The following MEIKIN variants were observed in gnomAD, a reference collection of about 807,000 sequenced individuals.
The protein encoded by MEIKIN is meiotic kinetochore factor.
At chr5:131,882,991 C>G (rs1015017566) in intron 8 of MEIKIN, among the ~76,000 whole-genome samples, 3 of 152,202 alleles carry the variant, frequency 2.0e-5, no homozygotes, top group African/African-American at 7.2e-5. Flanking sequence ...TTTACCCTAC[C>G]TTATATTCCT....
chr5:131,838,627 A>T (rs1283507605), intron 11 of MEIKIN, among the ~76,000 whole-genome samples: 1 of 152,090 alleles, frequency 6.6e-6, no homozygotes, highest in Non-Finnish European at 1.5e-5. Context: ...CAGAATTTCT[A>T]GTTTGTGTAC....
intron 8 of MEIKIN, among the ~76,000 whole-genome samples, chr5:131,897,573 G>T (rs1358415990): frequency 6.6e-6 from 1 of 152,154 alleles, no homozygotes. Context: ...GCCTCTTGGA[G>T]GCTTGTTTGT....
rs1415409499 is a variant in MEIKIN, at chr5:131,807,221, G to A, written c.*15C>T. On this transcript the variant is annotated 3_prime_UTR_variant, in exon 13 of 13. Transcript: ENST00000442687. ...CTGTCTTCAAAGTGGTGAAAATTCA[G>A]CCACAGCTGTTTTTTCATGCCATTT... 7.5e-6 allele frequency: 3 copies of A among 398,200 alleles called. No individual in the cohort carries two copies. Among genetic ancestry groups the A allele is most frequent in the Non-Finnish European group, 1.3e-5 (3 of 226,014 alleles). The allele number at this position is 398,200 out of a possible 1,614,324, so 24.7% of individuals were successfully genotyped here.
At chr5:131,942,987 G>C (rs1233748432) in intron 3 of MEIKIN, among the ~76,000 whole-genome samples, 1 of 151,998 alleles carries the variant, frequency 6.6e-6, no homozygotes, top group African/African-American at 2.4e-5. Context: ...ATATTTTTCT[G>C]GTTCCCTAGT....
intron 8 of MEIKIN, among the ~76,000 whole-genome samples, chr5:131,901,728 C>G (rs1483994750): frequency 6.6e-6 from 1 of 152,118 alleles, no homozygotes; most frequent in Non-Finnish European, 1.5e-5. Context: ...AGGTCCTGAG[C>G]TGAGCCTTGG....
Position 131,891,872 on chromosome 5 carries a change from T to C in MEIKIN, c.704-12824A>G, listed in dbSNP as rs142728162. On this transcript the variant is annotated intron_variant, in intron 8 of 12. Coordinates refer to ENST00000442687, the MANE Select transcript of MEIKIN (RefSeq NM_001303622.2). ...ATGGTACCGGTTGTTCTTTTCCGTG[T>C]TCAGTGCTTCCCTCAGAAGCTCTTT... is the stretch of plus-strand genomic sequence containing the variant. Among the ~76,000 whole-genome samples the C allele has an allele frequency of 5.4e-3, 826 of 152,346 alleles. 12 individuals are homozygous for C. Among genetic ancestry groups the C allele is most frequent in the African/African-American group, 0.019 (800 of 41,574 alleles).
In MEIKIN at chr5:131,863,557, C is replaced by CTTTTTTTTTTTTTTT. The variant is rs59435888; in HGVS notation, c.775-8738_775-8724dup. Among the ~76,000 whole-genome samples the CTTTTTTTTTTTTTTT allele has an allele frequency of 8.6e-4, 59 of 68,422 alleles. 3 individuals are homozygous for CTTTTTTTTTTTTTTT. The highest frequency in any genetic ancestry group is 2.9e-3 in the African/African-American group (37 of 12,850). 44.9% of individuals were successfully genotyped at this position (68,422 alleles called of 152,430 possible). On this transcript the variant is annotated intron_variant, in intron 9 of 12. Transcript: ENST00000442687. The stretch of plus-strand genomic sequence containing the variant: ...TCATTATATAATGACCTTCTTTGTC[C>CTTTTTTTTTTTTTTT]TTTTTTTTTTTTTTTTTTTTTTTTT...
intron 9 of MEIKIN, among the ~76,000 whole-genome samples, chr5:131,866,305 G>GT (rs1031877005): frequency 6.6e-6 from 1 of 152,226 alleles, no homozygotes; most frequent in African/African-American, 2.4e-5. Flanking sequence ...AACCAATGGT[G>GT]TACCGGGCTG....
At chr5:131,943,545 G>A (rs1365230001) in intron 3 of MEIKIN, among the ~76,000 whole-genome samples, 2 of 152,090 alleles carry the variant, frequency 1.3e-5, no homozygotes, top group South Asian at 4.1e-4. Context: ...ACAAGACAAA[G>A]CACTATGAAG....
At chr5:131,923,623 G>T (rs1751543078) in intron 5 of MEIKIN, among the ~76,000 whole-genome samples, 1 of 139,266 alleles carries the variant, frequency 7.2e-6, no homozygotes. Context: ...GCACTTCATT[G>T]TTCTTAGAAC....
intron 9 of MEIKIN, among the ~76,000 whole-genome samples, chr5:131,863,759 G>C (rs1311881317): frequency 1.3e-5 from 2 of 152,032 alleles, no homozygotes; most frequent in Non-Finnish European, 2.9e-5. Context: ...CCCTCTGAGA[G>C]ATAACTGAAT....
At chr5:131,891,521 C>G (rs1009950793) in intron 8 of MEIKIN, among the ~76,000 whole-genome samples, 7 of 152,192 alleles carry the variant, frequency 4.6e-5, no homozygotes, top group Non-Finnish European at 8.8e-5. Context: ...TCTGTTTTAT[C>G]AGAGACGAGG....
intron 9 of MEIKIN, among the ~76,000 whole-genome samples, chr5:131,858,463 C>T (rs1040548077): frequency 6.6e-6 from 1 of 152,042 alleles, no homozygotes; most frequent in African/African-American, 2.4e-5. Flanking sequence ...AATGTAAGAC[C>T]TAAAACTATA....
Position 131,913,022 on chromosome 5 carries a change from T to C in MEIKIN, c.639-1143A>G, listed in dbSNP as rs903219265. Among the ~76,000 whole-genome samples the C allele has an allele frequency of 2.6e-5, 4 of 152,210 alleles. No individual in the cohort carries two copies. The East Asian group carries it at 7.7e-4, about 29-fold the overall frequency. On this transcript the variant is annotated intron_variant, in intron 7 of 12. Coordinates refer to ENST00000442687, the MANE Select transcript of MEIKIN (RefSeq NM_001303622.2). ...GAAAGTCTTTCTCAATCTTGACTGATATAGTTATGTGCCATTGGTATCTCT... is the reference window on the plus strand; with the variant it reads ...GAAAGTCTTTCTCAATCTTGACTGACATAGTTATGTGCCATTGGTATCTCT...
intron 5 of MEIKIN, among the ~76,000 whole-genome samples, chr5:131,922,588 C>T (rs562586361): frequency 4.6e-5 from 7 of 152,206 alleles, no homozygotes; most frequent in African/African-American, 1.7e-4. Context: ...TTGGAACCAA[C>T]CCCCATGGAT....
At chr5:131,922,356 A>G (rs992763856) in intron 5 of MEIKIN, among the ~76,000 whole-genome samples, 2 of 152,072 alleles carry the variant, frequency 1.3e-5, no homozygotes, top group Non-Finnish European at 2.9e-5. Context: ...AAAAAATTGC[A>G]TCCATACTCA....
At chr5:131,932,647 A>G (rs1326407915) in intron 5 of MEIKIN, among the ~76,000 whole-genome samples, 1 of 152,236 alleles carries the variant, frequency 6.6e-6, no homozygotes, top group East Asian at 1.9e-4. Context: ...AGAAACGAAT[A>G]ATTGGGACTG....
chr5:131,862,063 C>T (rs1307514453), intron 9 of MEIKIN, among the ~76,000 whole-genome samples: 2 of 152,146 alleles, frequency 1.3e-5, no homozygotes, highest in African/African-American at 2.4e-5. Context: ...GAATTTGGCA[C>T]TGAATCCATC....
intron 8 of MEIKIN, among the ~76,000 whole-genome samples, chr5:131,879,259 C>T (rs1022065904): frequency 6.6e-6 from 1 of 152,172 alleles, no homozygotes; most frequent in African/African-American, 2.4e-5. Flanking sequence ...CCAGGTTTCA[C>T]AGAAGCAAAT....
Sources: allele counts gnomAD v4.1 joint callset (sites outside exome capture counted in the v4.1 genomes callset), GRCh38; gene constraint gnomAD v4.1.1; transcripts MANE v1.5; gene names NCBI Gene and HGNC (gene_info 2026-07-23, HGNC 2026-07-21).